Variants in DENND2B observed in about 807,000 individuals in gnomAD.
DENND2B encodes DENN domain containing 2B.
DENND2B carries 32 observed loss-of-function variants against 116.0 expected under a neutral mutation model. That is an observed-to-expected ratio of 0.28 (90% CI 0.21 to 0.37). The LOEUF (loss-of-function observed/expected upper bound fraction) is 0.37. Ranked by LOEUF, DENND2B falls within the 10% of genes least tolerant of loss-of-function variation. DENND2B has a pLI of 1.00. For synonymous variants in DENND2B, 588 were observed against 583.9 expected (o/e 1.01, Z -0.10); for missense variants, 1,276 against 1,477.7 (o/e 0.86, Z 2.24).
intron 2 of DENND2B, among the ~76,000 whole-genome samples, chr11:8,736,432 G>A (rs1199048166): frequency 1.3e-5 from 2 of 152,140 alleles, no homozygotes; most frequent in Non-Finnish European, 2.9e-5. Context: ...TTACATTCTG[G>A]TAGACACACA....
chr11:8,787,389 C>G (rs1055274328), intron 1 of DENND2B: 2 of 151,882 alleles, frequency 1.3e-5, no homozygotes, highest in African/African-American at 4.8e-5. Flanking sequence ...CCAGCCTAGG[C>G]TGGACTTGAA....
At chr11:8,784,210 T>A (rs1260486407) in intron 1 of DENND2B, 2 of 137,122 alleles carry the variant, frequency 1.5e-5, no homozygotes, top group African/African-American at 5.6e-5. Context: ...ATAAAGAAGG[T>A]AACCAATAGC....
chr11:8,873,552 T>G (rs2063813868), upstream of DENND2B, among the ~76,000 whole-genome samples: 1 of 152,234 alleles, frequency 6.6e-6, no homozygotes, highest in Admixed American at 6.5e-5. Flanking sequence ...TTAGAGACAC[T>G]GACATCAGAA....
chr11:8,825,904 G>C (rs1425377205), intron 4 of DENND2B, among the ~76,000 whole-genome samples: 1 of 152,140 alleles, frequency 6.6e-6, no homozygotes, highest in African/African-American at 2.4e-5. Context: ...GTCCTACTCT[G>C]CTCCATTCTG....
chr11:8,836,413 C>CTTTTTTTTTTTT (rs67181023), intron 4 of DENND2B, among the ~76,000 whole-genome samples: 1 of 77,550 alleles, frequency 1.3e-5, no homozygotes. Flanking sequence ...TTCTGTACTT[C>CTTTTTTTTTTTT]TTTTTTTTTT....
chr11:8,884,076 T>G (rs879555187), intron 1 of DENND2B, among the ~76,000 whole-genome samples: 2 of 152,214 alleles, frequency 1.3e-5, no homozygotes, highest in African/African-American at 2.4e-5. Context: ...TCCATCTCTC[T>G]CACATCTTCA....
In DENND2B at chr11:8,894,949, C is replaced by A. The variant is rs546305883; in HGVS notation, c.-255-13840G>T. 6.7e-4 allele frequency among the ~76,000 whole-genome samples: 102 copies of A among 152,240 alleles called. 1 individual carries two copies. Among genetic ancestry groups the A allele is most frequent in the African/African-American group, 2.4e-3 (98 of 41,558 alleles). On this transcript the variant is annotated intron_variant, in intron 1 of 22. Coordinates refer to the DENND2B transcript ENST00000534127. Reference sequence around the variant, plus strand: ...ATGCTGCTATAAAGACACATGCACACGTATGTTTATTGCGGCACTATTCAC... The same window carrying A: ...ATGCTGCTATAAAGACACATGCACAAGTATGTTTATTGCGGCACTATTCAC...
At chr11:8,840,980 A>G (rs375407520) in intron 3 of DENND2B, among the ~76,000 whole-genome samples, 9 of 152,330 alleles carry the variant, frequency 5.9e-5, no homozygotes, top group African/African-American at 1.9e-4. Flanking sequence ...TGTGATTTTA[A>G]AAGAAAAAGG....
chr11:8,757,320 T>A (rs911171238), intron 1 of DENND2B, among the ~76,000 whole-genome samples: 2 of 152,214 alleles, frequency 1.3e-5, no homozygotes, highest in African/African-American at 4.8e-5. Flanking sequence ...GAAGACAACC[T>A]CTCCATTCCC....
chr11:8,697,813 T>C, intron 16 of DENND2B, 177 bp from the exon 17 acceptor site: 1 of 614,310 alleles, frequency 1.6e-6, no homozygotes, highest in Non-Finnish European at 2.9e-6. Context: ...GTTAAGAAAC[T>C]TGCCCAAGAT....
intron 2 of DENND2B, among the ~76,000 whole-genome samples, chr11:8,878,810 C>A (rs1434478941): frequency 3.3e-5 from 5 of 152,066 alleles, no homozygotes; most frequent in Admixed American, 2.6e-4. Context: ...AGAAGCCAGA[C>A]CCAGAAAGTC....
chr11:8,744,386 G>A (rs747729729), intron 2 of DENND2B, among the ~76,000 whole-genome samples: 114 of 151,756 alleles, frequency 7.5e-4, no homozygotes, highest in African/African-American at 1.4e-3. Flanking sequence ...CACCCGCCTC[G>A]GCCTCCCAAA....
At chr11:8,711,958 G>C (rs917884737) in intron 9 of DENND2B, 17 of 455,964 alleles carry the variant, frequency 3.7e-5, no homozygotes, top group Non-Finnish European at 7.5e-5. Context: ...CAGACCTCCT[G>C]AAAGAGGTCC....
At chr11:8,887,177 A>T (rs1461669681) in intron 1 of DENND2B, among the ~76,000 whole-genome samples, 1 of 152,194 alleles carries the variant, frequency 6.6e-6, no homozygotes, top group African/African-American at 2.4e-5. Context: ...GCAGCTCTTA[A>T]TATTTTGGCA....
Position 8,702,220 on chromosome 11 carries a change from C to G in DENND2B, c.2720+352G>C, listed in dbSNP as rs1279110383. Among the ~76,000 whole-genome samples the G allele has an allele frequency of 6.6e-6, 1 of 152,190 alleles. No individual in the cohort carries two copies. The highest frequency in any genetic ancestry group is 1.9e-4 in the East Asian group (1 of 5,192). On this transcript the variant is annotated intron_variant, in intron 14 of 19. Coordinates refer to ENST00000313726, the MANE Select transcript of DENND2B (RefSeq NM_213618.2). This position sits in a 1 kb window ranked among gnomAD's most constrained non-coding sequence, Gnocchi z 4.6. ...TCCCATTGAGATGGCTTTGCCTCCC[C>G]CTCCAGAAGAAATGCAACCATCCAC...
chr11:8,852,654 T>C (rs1335698085), intron 3 of DENND2B, among the ~76,000 whole-genome samples: 1 of 152,204 alleles, frequency 6.6e-6, no homozygotes, highest in Non-Finnish European at 1.5e-5. Flanking sequence ...TGAAATCCAT[T>C]AAGCTATACA....
At chr11:8,781,300 G>C (rs1401997483) in intron 1 of DENND2B, among the ~76,000 whole-genome samples, 3 of 152,140 alleles carry the variant, frequency 2.0e-5, no homozygotes, top group Non-Finnish European at 4.4e-5. Context: ...TCATGGGAAA[G>C]GTTGCCAGCC....
intron 4 of DENND2B, among the ~76,000 whole-genome samples, chr11:8,819,939 T>C (rs978514395): frequency 6.6e-6 from 1 of 152,378 alleles, no homozygotes; most frequent in Admixed American, 6.5e-5. Context: ...TTAGGAGAAT[T>C]TGTACTGCCA....
chr11:8,889,361 G>C (rs963573106), intron 1 of DENND2B, among the ~76,000 whole-genome samples: 1 of 152,200 alleles, frequency 6.6e-6, no homozygotes, highest in Admixed American at 6.5e-5. Flanking sequence ...CTGAGGTACC[G>C]GGTTCATCTC....
Sources: gnomAD v4.1 joint callset for allele counts (sites outside exome capture counted in the v4.1 genomes callset) on GRCh38, gnomAD v4.1.1 for gene constraint, Gnocchi (gnomAD v3.1) non-coding constraint, MANE v1.5 for transcripts, NCBI Gene and HGNC (gene_info 2026-07-23, HGNC 2026-07-21) for gene names.